The following CYTIP variants were observed in gnomAD, a reference collection of about 807,000 sequenced individuals.
The protein encoded by CYTIP is cytohesin 1 interacting protein.
Under a neutral mutation model 43.8 loss-of-function variants are expected in CYTIP, and 26 were observed. The ratio of observed to expected loss-of-function variants is 0.59; its 90% CI spans 0.44 to 0.82. CYTIP has a LOEUF of 0.82. Ranked by LOEUF, CYTIP falls within the 40% of genes least tolerant of loss-of-function variation. CYTIP has a pLI of 0.00. For missense variants in CYTIP, 426 were observed against 443.1 expected, an observed-to-expected ratio of 0.96 and a Z score of 0.35; for synonymous variants, 162 against 162.9, an observed-to-expected ratio of 0.99 and a Z score of 0.04.
intron 3 of CYTIP, 27 bp from the exon 4 acceptor site, chr2:157,430,989 T>A: frequency 6.4e-7 from 1 of 1,566,832 alleles, no homozygotes; most frequent in Non-Finnish European, 8.7e-7. Context: ...GATATATAGT[T>A]ACTATTTAAC....
intron 6 of CYTIP, among the ~76,000 whole-genome samples, chr2:157,423,378 T>A (rs1483484320): frequency 6.6e-6 from 1 of 151,902 alleles, no homozygotes; most frequent in Non-Finnish European, 1.5e-5. Context: ...GACAAAAATT[T>A]AAAACATCAG....
At chr2:157,428,771 A>T in intron 5 of CYTIP, among the ~76,000 whole-genome samples, 1 of 152,084 alleles carries the variant, frequency 6.6e-6, no homozygotes. Flanking sequence ...TTTACCCTGA[A>T]CTCACAGGAC....
chr2:157,431,062 G>T, intron 3 of CYTIP, 100 bp from the exon 4 acceptor site: 1 of 956,044 alleles, frequency 1.0e-6, no homozygotes, highest in Non-Finnish European at 1.5e-6. Flanking sequence ...AGTATAATAG[G>T]TAAGTTCAAA....
chr2:157,441,924 C>T (rs560000471), intron 1 of CYTIP, among the ~76,000 whole-genome samples: 3 of 152,320 alleles, frequency 2.0e-5, no homozygotes, highest in Admixed American at 6.5e-5. Flanking sequence ...TTCTCAAACA[C>T]GTTCAGTGGC....
At chr2:157,439,808 T>C (rs1170665919) in intron 1 of CYTIP, among the ~76,000 whole-genome samples, 3 of 152,246 alleles carry the variant, frequency 2.0e-5, no homozygotes, top group Admixed American at 1.3e-4. Context: ...TGATCACTCT[T>C]CTGTTTTTAG....
rs1426252200 is a variant in CYTIP at position 157,415,788 on chromosome 2, G to C, written c.969C>G (p.Ser323Arg). 8 of 1,614,086 alleles carry C rather than the reference G, an allele frequency of 5.0e-6. No homozygotes were observed. Among genetic ancestry groups the C allele is most frequent in the Non-Finnish European group, 5.9e-6 (7 of 1,180,026 alleles). ...TCTTCCGGGGCAGGGTCCCAAACAT[G>C]CTTGATAAGTTGCCCTCCCACAAGG... ...MSPLWEGNLS[S>R]MFGTLPRKSR... Residue 323 changes from serine (S) to arginine (R), a missense_variant, in exon 8 of 8, where the codon AGC (serine) becomes AGG (arginine). Transcript: ENST00000264192.
intron 5 of CYTIP, among the ~76,000 whole-genome samples, chr2:157,428,108 C>T (rs1005437916): frequency 1.3e-5 from 2 of 152,220 alleles, no homozygotes; most frequent in African/African-American, 4.8e-5. Flanking sequence ...ACACCACACA[C>T]ATTTCTAAAA....
rs773163736 is a variant in CYTIP, at chr2:157,430,576, C to T, written c.459G>A (p.Ser153=). Residue 153 remains serine, a synonymous_variant, in exon 5 of 8, where the codon TCG becomes TCA. Transcript: ENST00000264192. ...TYKQVVDLIR[S]SGNLLTIETL... ...ATAGTTACGTTAGCAGGTTTCCGGA[C>T]GATCTGATCAGGTCAACGACTTGTT... is the stretch of plus-strand genomic sequence containing the variant. 4.3e-5 allele frequency: 70 copies of T among 1,613,980 alleles called. No homozygotes were observed. The highest frequency in any genetic ancestry group is 8.9e-5 in the East Asian group (4 of 44,890).
chr2:157,427,551 TAC>T (rs1685633391), intron 5 of CYTIP, 131 bp from the exon 6 acceptor site: 1 of 538,542 alleles, frequency 1.9e-6, no homozygotes, highest in Non-Finnish European at 3.0e-6. Context: ...ATACAAATGT[TAC>T]AGTTCTCATG....
chr2:157,422,547 G>A (rs560896003), intron 6 of CYTIP, among the ~76,000 whole-genome samples: 1 of 151,870 alleles, frequency 6.6e-6, no homozygotes, highest in East Asian at 1.9e-4. Flanking sequence ...GCAGGTGCCT[G>A]TAATCCCAGC....
At chr2:157,440,223 C>T (rs952061636) in intron 1 of CYTIP, among the ~76,000 whole-genome samples, 7 of 152,126 alleles carry the variant, frequency 4.6e-5, no homozygotes, top group African/African-American at 1.7e-4. Context: ...CAACTCCCAC[C>T]CACTTTTAAA....
intron 7 of CYTIP, among the ~76,000 whole-genome samples, chr2:157,418,212 C>T (rs1212778590): frequency 6.6e-6 from 1 of 152,150 alleles, no homozygotes; most frequent in African/African-American, 2.4e-5. Flanking sequence ...GTAATTCATT[C>T]ACTGAAGTAG....
chr2:157,428,122 A>C (rs1223508142), intron 5 of CYTIP, among the ~76,000 whole-genome samples: 1 of 152,206 alleles, frequency 6.6e-6, no homozygotes, highest in Non-Finnish European at 1.5e-5. Flanking sequence ...TCTAAAAATA[A>C]AATACTTGTT....
intron 3 of CYTIP, among the ~76,000 whole-genome samples, chr2:157,434,006 C>T (rs1048667014): frequency 6.6e-6 from 1 of 152,062 alleles, no homozygotes; most frequent in Non-Finnish European, 1.5e-5. Flanking sequence ...CACAGTATAA[C>T]AATATGATTA....
rs1421957023 is a variant in CYTIP at position 157,432,111 on chromosome 2, T to C, written c.280-1149A>G. Among the ~76,000 whole-genome samples, 3 of 152,200 alleles carry C rather than the reference T, an allele frequency of 2.0e-5. No homozygotes were observed. The South Asian group carries it at 6.2e-4, about 31-fold the overall frequency. ...GGAGATGAAAGACTGATCTAGTTCA[T>C]GTGGTACATGAATAAAATATACAAC... On this transcript the variant is annotated intron_variant, in intron 3 of 7. Coordinates refer to ENST00000264192, the MANE Select transcript of CYTIP (RefSeq NM_004288.5).
intron 4 of CYTIP, 101 bp from the exon 5 acceptor site, chr2:157,430,753 G>T (rs1028640043): frequency 3.4e-6 from 5 of 1,454,906 alleles, no homozygotes; most frequent in Non-Finnish European, 4.8e-6. Context: ...AAACATAAAG[G>T]AGCCAAGAAA....
chr2:157,442,303 A>G (rs896067234), intron 1 of CYTIP, among the ~76,000 whole-genome samples: 8 of 152,014 alleles, frequency 5.3e-5, no homozygotes, highest in Admixed American at 6.6e-5. Flanking sequence ...TCGTCTTTTT[A>G]CCTCCTACAC....
rs138300640 is a variant in CYTIP at position 157,443,790 on chromosome 2, T to C, written c.174+57A>G. Reference sequence around the variant, plus strand: ...ATTAGTATGAAGTCAGACAAACATATCACTCTGCCCTCAAGAGAATGTGAA... The same window carrying C: ...ATTAGTATGAAGTCAGACAAACATACCACTCTGCCCTCAAGAGAATGTGAA... On this transcript the variant is annotated intron_variant, in intron 1 of 7. Transcript: ENST00000264192. The C allele has an allele frequency of 1.4e-4, 219 of 1,536,914 alleles. 1 individual carries two copies. In the East Asian group the frequency reaches 4.8e-3, roughly 34 times the overall value.
intron 3 of CYTIP, among the ~76,000 whole-genome samples, chr2:157,431,958 C>T (rs1446572156): frequency 1.3e-5 from 2 of 152,180 alleles, no homozygotes; most frequent in Admixed American, 6.5e-5. Context: ...CTATAAGGCA[C>T]TTAGAATCCC....
Sources: allele counts gnomAD v4.1 joint callset (sites outside exome capture counted in the v4.1 genomes callset), GRCh38; gene constraint gnomAD v4.1.1; transcripts MANE v1.5; gene names NCBI Gene and HGNC (gene_info 2026-07-23, HGNC 2026-07-21).